Variants in EVC observed in about 807,000 individuals in gnomAD.
The protein encoded by EVC is evC complex member EVC.
Under a neutral mutation model 118.9 loss-of-function variants are expected in EVC, and 116 were observed. The observed-to-expected ratio is 0.98, with a 90% CI of 0.84 to 1.14. The LOEUF (loss-of-function observed/expected upper bound fraction) is 1.14, where lower values mean the gene tolerates loss of function less well. Ranked by LOEUF, EVC falls within the 50% of genes most tolerant of loss-of-function variation. The pLI is 0.00. For synonymous variants in EVC, 619 were observed against 534.7 expected, an observed-to-expected ratio of 1.16 and a Z score of -2.18; for missense variants, 1,401 against 1,246.4, an observed-to-expected ratio of 1.12 and a Z score of -1.87.
At chr4:5,718,576 C>T (rs1287474792) in intron 1 of EVC, among the ~76,000 whole-genome samples, 1 of 152,092 alleles carries the variant, frequency 6.6e-6, no homozygotes, top group Non-Finnish European at 1.5e-5. Flanking sequence ...AGAGCAGAGA[C>T]AAGAAGGCAG....
the EVC span, chr4:5,828,353 CA>C: frequency 3.5e-5 from 51 of 1,437,978 alleles, no homozygotes; most frequent in Non-Finnish European, 4.3e-5. Flanking sequence ...CGTCTCAACC[CA>C]TTTAACAGAT....
intron 15 of EVC, among the ~76,000 whole-genome samples, chr4:5,799,943 A>G (rs1414644531): frequency 6.6e-6 from 1 of 152,250 alleles, no homozygotes; most frequent in Non-Finnish European, 1.5e-5. Context: ...CTGCATGAAA[A>G]TGGAGTAAGA....
intron 16 of EVC, among the ~76,000 whole-genome samples, chr4:5,803,556 C>A (rs1275509208): frequency 6.6e-6 from 1 of 152,224 alleles, no homozygotes; most frequent in African/African-American, 2.4e-5. Flanking sequence ...CCACCCCAGC[C>A]CCCATCCATC....
intron 5 of EVC, 138 bp downstream of exon 5, chr4:5,733,573 CGG>C: frequency 1.2e-6 from 1 of 826,692 alleles, no homozygotes; most frequent in Non-Finnish European, 2.1e-6. Flanking sequence ...TGGGGGAAAG[CGG>C]CGCTGTCAGG....
chr4:5,719,808 C>T lies in EVC; in HGVS notation c.300+435C>T, dbSNP rs941813114. ...TTTCGTTGTGTGTATCAATAATTCA[C>T]CCATTTTTATTGCTCAGTGGCAGTC... On this transcript the variant is annotated intron_variant, in intron 2 of 20. Coordinates refer to ENST00000264956, the MANE Select transcript of EVC (RefSeq NM_153717.3). This position sits in a 1 kb window ranked among gnomAD's most constrained non-coding sequence, Gnocchi z 4.7. 6.6e-6 allele frequency among the ~76,000 whole-genome samples: 1 copy of T among 152,170 alleles called. No individual in the cohort carries two copies. The highest frequency in any genetic ancestry group is 2.1e-4 in the South Asian group (1 of 4,822).
At chr4:5,764,645 T>G (rs1171572404) in intron 11 of EVC, among the ~76,000 whole-genome samples, 12 of 136,474 alleles carry the variant, frequency 8.8e-5, no homozygotes, top group Non-Finnish European at 1.8e-4. Context: ...GTGTATGTGT[T>G]GAGGAATTTA....
chr4:5,735,038 T>C (rs936433699), intron 5 of EVC, among the ~76,000 whole-genome samples: 9 of 152,176 alleles, frequency 5.9e-5, no homozygotes, highest in Non-Finnish European at 1.3e-4. Context: ...CTTACAGTCC[T>C]GGAGGGAGCG....
intron 14 of EVC, 50 bp downstream of exon 14, chr4:5,797,282 C>A: frequency 7.0e-7 from 1 of 1,421,758 alleles, no homozygotes; most frequent in Non-Finnish European, 9.7e-7. Context: ...GGTGCCCCTG[C>A]AGCAGGCCCC....
the EVC span, chr4:5,824,444 A>G: frequency 1.0e-6 from 1 of 985,274 alleles, no homozygotes; most frequent in African/African-American, 1.7e-5. Context: ...TGAATGGATA[A>G]GAGGTTCTGC....
intron 1 of EVC, among the ~76,000 whole-genome samples, chr4:5,717,257 G>A (rs986046414): frequency 1.3e-5 from 2 of 152,052 alleles, no homozygotes; most frequent in African/African-American, 4.8e-5. Context: ...TTTGTTCTGA[G>A]AATGTTCTAT....
intron 2 of EVC, among the ~76,000 whole-genome samples, chr4:5,723,398 T>A (rs1381960791): frequency 6.6e-6 from 1 of 151,790 alleles, no homozygotes; most frequent in East Asian, 2.0e-4. Context: ...ACCATGTTGG[T>A]CAGGCTGGTC....
chr4:5,740,041 A>G (rs1728280355), intron 5 of EVC, among the ~76,000 whole-genome samples: 1 of 152,204 alleles, frequency 6.6e-6, no homozygotes, highest in Non-Finnish European at 1.5e-5. Flanking sequence ...TTTTCAATAA[A>G]TGGTACTGGA....
At chr4:5,782,838 AG>A (rs1440947058) in intron 11 of EVC, among the ~76,000 whole-genome samples, 1 of 152,106 alleles carries the variant, frequency 6.6e-6, no homozygotes, top group East Asian at 1.9e-4. Flanking sequence ...TTAAGCATGG[AG>A]GGTGGAAGGG....
intron 5 of EVC, among the ~76,000 whole-genome samples, 182 bp downstream of exon 5, chr4:5,733,617 G>T (rs1209029605): frequency 1.3e-5 from 2 of 152,188 alleles, no homozygotes; most frequent in African/African-American, 4.8e-5. Context: ...AGCACTTCAC[G>T]CCTGTTGGTG....
chr4:5,793,846 C>T (rs747977342), intron 13 of EVC, 129 bp downstream of exon 13: 12 of 736,990 alleles, frequency 1.6e-5, no homozygotes, highest in Middle Eastern at 3.7e-4. Context: ...AATGACTTAA[C>T]GTTTCTTAGC....
chr4:5,813,545 A>C lies in EVC; in HGVS notation c.*2508A>C, dbSNP rs1224060182. On this transcript the variant is annotated 3_prime_UTR_variant, in exon 21 of 21. Coordinates refer to ENST00000264956, the MANE Select transcript of EVC (RefSeq NM_153717.3). ...ATATTGTCACATGGGCCCTCTGCACAGAGTCCGATGGCTCCTCCCGGGGAA... is the reference window on the plus strand; with the variant it reads ...ATATTGTCACATGGGCCCTCTGCACCGAGTCCGATGGCTCCTCCCGGGGAA... The C allele has an allele frequency of 6.6e-6, 1 of 152,204 alleles. No homozygotes were observed. Among genetic ancestry groups the C allele is most frequent in the Non-Finnish European group, 1.5e-5 (1 of 68,054 alleles). The allele number at this position is 152,204 out of a possible 1,614,324, so 9.4% of individuals were successfully genotyped here. A position where few individuals can be genotyped will look rare whatever the true frequency, so the allele number is the denominator to read the frequency against.
In EVC at chr4:5,726,064, G is replaced by A. The variant is rs1725758543; in HGVS notation, c.301-3243G>A. ...GAGAGGTATCTAGGCCACAGTGCTG[G>A]CTCAGTGGAGGCTGTGTCAGCACCT... On this transcript the variant is annotated intron_variant, in intron 2 of 20. Coordinates refer to ENST00000264956, the MANE Select transcript of EVC (RefSeq NM_153717.3). Among the ~76,000 whole-genome samples, 4 of 152,212 alleles carry A rather than the reference G, an allele frequency of 2.6e-5. No individual in the cohort carries two copies. In the South Asian group the frequency reaches 6.2e-4, roughly 24 times the overall value.
At chr4:5,758,254 G>C in intron 11 of EVC, 1 of 623,018 alleles carries the variant, frequency 1.6e-6, no homozygotes, top group Non-Finnish European at 2.8e-6. Flanking sequence ...CCAACACCTT[G>C]GTTTCATACT....
At chr4:5,723,797 G>T (rs537028741) in intron 2 of EVC, among the ~76,000 whole-genome samples, 1 of 152,200 alleles carries the variant, frequency 6.6e-6, no homozygotes, top group South Asian at 2.1e-4. Context: ...TGAAATTCTT[G>T]ATCATTATTA....
Sources: allele counts gnomAD v4.1 joint callset (sites outside exome capture counted in the v4.1 genomes callset), GRCh38; gene constraint gnomAD v4.1.1; non-coding constraint Gnocchi (gnomAD v3.1); transcripts MANE v1.5; gene names NCBI Gene and HGNC (gene_info 2026-07-23, HGNC 2026-07-21).